Variants in PHKB observed in about 807,000 individuals in gnomAD.
PHKB encodes the protein phosphorylase b kinase regulatory subunit beta.
PHKB carries 122 observed loss-of-function variants against 152.1 expected under a neutral mutation model. That is an observed-to-expected ratio of 0.80 (90% CI 0.69 to 0.93). The LOEUF (loss-of-function observed/expected upper bound fraction) is 0.93. Among genes scored for constraint, PHKB ranks in the 40% least tolerant of loss-of-function variants. The probability of loss-of-function intolerance (pLI) is 0.00; values close to 1 mark genes in which losing one functional copy is unlikely to be tolerated. For missense variants in PHKB, 1,304 were observed against 1,328.4 expected (o/e 0.98, Z 0.29); for synonymous variants, 436 against 464.9 (o/e 0.94, Z 0.80).
chr16:47,677,893 A>G (rs1383865449), intron 26 of PHKB, among the ~76,000 whole-genome samples: 5 of 148,572 alleles, frequency 3.4e-5, no homozygotes, highest in Admixed American at 1.3e-4. Flanking sequence ...AGCATTAGGT[A>G]TATCTCCTAA....
At chr16:47,548,476 G>A (rs1248627040) in intron 7 of PHKB, among the ~76,000 whole-genome samples, 3 of 152,046 alleles carry the variant, frequency 2.0e-5, no homozygotes, top group African/African-American at 7.2e-5. Flanking sequence ...GCATGGTGGT[G>A]CGTGCCTGTA....
rs1364982459 is a variant in PHKB at position 47,669,984 on chromosome 16, G to C, written c.2630+567G>C. Among the ~76,000 whole-genome samples, 3 of 152,190 alleles carry C rather than the reference G, an allele frequency of 2.0e-5. No individual in the cohort carries two copies. In the South Asian group the frequency reaches 6.2e-4, roughly 32 times the overall value. ...AAAATTAACCAGGCTCTGGAATTCA[G>C]CAGAACTGAGTTCAAGTTCCAACTG... On this transcript the variant is annotated intron_variant, in intron 26 of 30. Coordinates refer to ENST00000323584, the MANE Select transcript of PHKB (RefSeq NM_000293.3).
chr16:47,508,834 C>T (rs1175449431), intron 4 of PHKB, among the ~76,000 whole-genome samples: 2 of 152,036 alleles, frequency 1.3e-5, no homozygotes, highest in South Asian at 2.1e-4. Context: ...TACAGCATGC[C>T]CCATTAATCT....
intron 7 of PHKB, chr16:47,565,649 T>G: frequency 8.5e-7 from 1 of 1,175,144 alleles, no homozygotes; most frequent in South Asian, 1.2e-5. Flanking sequence ...ATGACTCACT[T>G]CCTGTCCTCG....
chr16:47,576,698 T>C (rs1191997562), intron 7 of PHKB, among the ~76,000 whole-genome samples: 1 of 152,246 alleles, frequency 6.6e-6, no homozygotes, highest in African/African-American at 2.4e-5. Context: ...TTTTTCATTA[T>C]GTATTATAAT....
intron 28 of PHKB, among the ~76,000 whole-genome samples, chr16:47,695,859 C>A (rs978721117): frequency 2.6e-5 from 4 of 152,184 alleles, no homozygotes; most frequent in African/African-American, 9.7e-5. Flanking sequence ...AGATAAAGGG[C>A]AGAGTAGAGG....
Position 47,698,488 on chromosome 16 carries a change from A to G in PHKB, c.3044A>G (p.Glu1015Gly). 1 of 1,612,006 alleles carries G rather than the reference A, an allele frequency of 6.2e-7. No individual in the cohort carries two copies. Among genetic ancestry groups the G allele is most frequent in the South Asian group, 1.1e-5 (1 of 91,050 alleles). The change falls in exon 30 of 31, where the codon GAG (glutamate) becomes GGG (glycine). Residue 1015 changes from glutamate to glycine, a missense_variant. Coordinates refer to ENST00000323584, the MANE Select transcript of PHKB (RefSeq NM_000293.3). ...TCCATTGTACTGGAAAGAAACCCCGAGCTAGAATTTCAAGACAAAGTAGAT... is the reference window on the plus strand; with the variant it reads ...TCCATTGTACTGGAAAGAAACCCCGGGCTAGAATTTCAAGACAAAGTAGAT... ...VVSIVLERNP[E>G]LEFQDKVDLD...
At chr16:47,650,729 A>T in intron 19 of PHKB, 102 bp from the exon 20 acceptor site, 1 of 1,218,850 alleles carries the variant, frequency 8.2e-7, no homozygotes, top group South Asian at 1.2e-5. Flanking sequence ...CCTTCTTAGT[A>T]TGTGGTGGAA....
At chr16:47,615,297 G>C (rs1219213189) in intron 14 of PHKB, among the ~76,000 whole-genome samples, 1 of 152,162 alleles carries the variant, frequency 6.6e-6, no homozygotes, top group East Asian at 1.9e-4. Flanking sequence ...GACTGCCCAA[G>C]GGTACCTGAG....
At chr16:47,484,562 T>C (rs1970018968) in intron 1 of PHKB, among the ~76,000 whole-genome samples, 1 of 152,204 alleles carries the variant, frequency 6.6e-6, no homozygotes, top group Admixed American at 6.5e-5. Context: ...GGCTCAATGC[T>C]TCTCAGTGAA....
chr16:47,614,131 C>G (rs1409761849), intron 14 of PHKB, among the ~76,000 whole-genome samples: 1 of 152,166 alleles, frequency 6.6e-6, no homozygotes, highest in South Asian at 2.1e-4. Context: ...GGAGGTTTTC[C>G]TCATGGAGGA....
Position 47,515,602 on chromosome 16 carries a change from G to T in PHKB, c.594+1G>T. On this transcript the variant is annotated splice_donor_variant, in intron 6 of 30. Transcript: ENST00000323584. LOFTEE classifies it high-confidence loss of function. ...CCAGATTATCTACAACACTGATGAG[G>T]TATGCTTTCCCCAAATTTTCTATTA... 1 of 1,302,034 alleles carries T rather than the reference G, an allele frequency of 7.7e-7. No homozygotes were observed. 80.7% of individuals were successfully genotyped at this position (1,302,034 alleles called of 1,614,324 possible).
chr16:47,696,029 C>T (rs1232738929), intron 28 of PHKB, among the ~76,000 whole-genome samples: 1 of 152,216 alleles, frequency 6.6e-6, no homozygotes, highest in Non-Finnish European at 1.5e-5. Flanking sequence ...GGGAGCCTGA[C>T]AGCAAGCATA....
intron 7 of PHKB, among the ~76,000 whole-genome samples, chr16:47,580,041 C>T (rs967025934): frequency 2.0e-5 from 3 of 152,052 alleles, no homozygotes; most frequent in African/African-American, 7.2e-5. Flanking sequence ...ATTAAAACTA[C>T]TCCCATCAAT....
At chr16:47,488,269 C>T (rs1970083562) in intron 1 of PHKB, among the ~76,000 whole-genome samples, 1 of 152,014 alleles carries the variant, frequency 6.6e-6, no homozygotes, top group Middle Eastern at 3.2e-3. Context: ...TGTCCTTTGC[C>T]CATTTTTTAA....
chr16:47,584,035 C>G (rs1971894506), intron 8 of PHKB, among the ~76,000 whole-genome samples: 1 of 151,204 alleles, frequency 6.6e-6, no homozygotes, highest in South Asian at 2.1e-4. Context: ...TCCTTTTTTT[C>G]CAATAATAAC....
At chr16:47,679,530 C>G (rs996096577) in intron 26 of PHKB, among the ~76,000 whole-genome samples, 2 of 152,142 alleles carry the variant, frequency 1.3e-5, no homozygotes, top group African/African-American at 4.8e-5. Flanking sequence ...CTCTTTGAAG[C>G]AATTGTGAAT....
At chr16:47,537,902 CTTT>C (rs1555478452) in intron 6 of PHKB, among the ~76,000 whole-genome samples, 1 of 149,232 alleles carries the variant, frequency 6.7e-6, no homozygotes, top group Non-Finnish European at 1.5e-5. Context: ...CTCTCTCTCT[CTTT>C]TTAAGTTGAG....
At chr16:47,558,517 C>A (rs898442628) in intron 7 of PHKB, among the ~76,000 whole-genome samples, 5 of 152,120 alleles carry the variant, frequency 3.3e-5, no homozygotes, top group African/African-American at 9.7e-5. Context: ...GAATTTTACT[C>A]TAGTTCAGAT....
Sources: allele counts gnomAD v4.1 joint callset (sites outside exome capture counted in the v4.1 genomes callset), GRCh38; gene constraint gnomAD v4.1.1; transcripts MANE v1.5; gene names NCBI Gene and HGNC (gene_info 2026-07-23, HGNC 2026-07-21).